FGF18: variants seen among roughly 807,000 people sequenced by gnomAD.
The protein encoded by FGF18 is fibroblast growth factor 18.
A neutral mutation model predicts 23.0 loss-of-function variants in FGF18; 5 were observed. The observed-to-expected ratio is 0.22, with a 90% CI of 0.11 to 0.46. The LOEUF (loss-of-function observed/expected upper bound fraction) is 0.46. FGF18 is among the 20% of genes least tolerant of loss of function. The pLI is 0.99. For synonymous variants in FGF18, 117 were observed against 118.9 expected, an observed-to-expected ratio of 0.98 and a Z score of 0.10; for missense variants, 180 against 291.6, an observed-to-expected ratio of 0.62 and a Z score of 2.79.
chr5:171,450,712 G>A (rs988839521), intron 4 of FGF18, among the ~76,000 whole-genome samples: 4 of 152,124 alleles, frequency 2.6e-5, no homozygotes, highest in African/African-American at 9.7e-5. Context: ...CGGCCGGCGA[G>A]GGGGGTCGGG....
At chr5:171,427,164 G>A (rs977862024) in intron 2 of FGF18, among the ~76,000 whole-genome samples, 4 of 150,250 alleles carry the variant, frequency 2.7e-5, no homozygotes, top group African/African-American at 7.4e-5. Flanking sequence ...CCAAGATCAC[G>A]CCACTGCACT....
chr5:171,452,038 T>C (rs1193231131), intron 4 of FGF18, among the ~76,000 whole-genome samples: 1 of 152,256 alleles, frequency 6.6e-6, no homozygotes, highest in Non-Finnish European at 1.5e-5. Context: ...TCTGTGTACC[T>C]GGCCAAAGGG....
Position 171,456,374 on chromosome 5 carries a change from T to C in FGF18, c.358-165T>C, listed in dbSNP as rs111547461. Reference sequence around the variant, plus strand: ...TTGGCTATAAACCCCCACCTGCCTGTGCCATATTCAGAGTTAAGCTCAATC... The same window carrying C: ...TTGGCTATAAACCCCCACCTGCCTGCGCCATATTCAGAGTTAAGCTCAATC... On this transcript the variant is annotated intron_variant, in intron 4 of 4. Transcript: ENST00000274625. This position sits in a 1 kb window ranked among gnomAD's most constrained non-coding sequence, Gnocchi z 6.1. Among the ~76,000 whole-genome samples, 141 of 152,284 alleles carry C rather than the reference T, an allele frequency of 9.3e-4. No homozygotes were observed. Among genetic ancestry groups the C allele is most frequent in the African/African-American group, 3.2e-3 (134 of 41,554 alleles).
At chr5:171,455,652 T>TG (rs1231184448) in intron 4 of FGF18, among the ~76,000 whole-genome samples, 1 of 152,222 alleles carries the variant, frequency 6.6e-6, no homozygotes, top group Non-Finnish European at 1.5e-5. Flanking sequence ...TCTCCCCTCA[T>TG]GGTGATAAAG....
intron 2 of FGF18, among the ~76,000 whole-genome samples, chr5:171,421,523 T>C (rs562700265): frequency 5.3e-5 from 8 of 152,282 alleles, no homozygotes; most frequent in African/African-American, 1.7e-4. Flanking sequence ...CCTTCTGGAT[T>C]GTGGAGATCC....
intron 3 of FGF18, among the ~76,000 whole-genome samples, chr5:171,438,588 C>A (rs1462583749): frequency 1.3e-5 from 2 of 152,068 alleles, no homozygotes; most frequent in Non-Finnish European, 2.9e-5. Flanking sequence ...CAGCACCACG[C>A]TTTCTAAGAT....
chr5:171,435,446 GT>G, intron 2 of FGF18, among the ~76,000 whole-genome samples: 1 of 152,220 alleles, frequency 6.6e-6, no homozygotes, highest in East Asian at 1.9e-4. Flanking sequence ...GGGAACTGAA[GT>G]TTTGGTGGCA....
chr5:171,456,432 G>T lies in FGF18; in HGVS notation c.358-107G>T. The T allele has an allele frequency of 8.9e-7, 1 of 1,118,880 alleles. No homozygotes were observed. Among genetic ancestry groups the T allele is most frequent in the Non-Finnish European group, 1.3e-6 (1 of 785,172 alleles). The allele number at this position is 1,118,880 out of a possible 1,614,324, so 69.3% of individuals were successfully genotyped here. On this transcript the variant is annotated intron_variant, in intron 4 of 4. Transcript: ENST00000274625. This position sits in a 1 kb window ranked among gnomAD's most constrained non-coding sequence, Gnocchi z 6.1. ...CCCACTGCAAAACTTCATTACAGTT[G>T]TCCCTACAACAATCGCAATGGTCCT... is the stretch of plus-strand genomic sequence containing the variant.
chr5:171,427,622 T>G (rs1772114555), intron 2 of FGF18, among the ~76,000 whole-genome samples: 1 of 152,208 alleles, frequency 6.6e-6, no homozygotes, highest in Non-Finnish European at 1.5e-5. Flanking sequence ...TGACTAGCTA[T>G]GTAGTAGGCA....
chr5:171,424,948 T>C (rs2113328988), intron 2 of FGF18, among the ~76,000 whole-genome samples: 1 of 152,258 alleles, frequency 6.6e-6, no homozygotes, highest in East Asian at 1.9e-4. Context: ...ATTTTTAGAA[T>C]TTCTTGTGGT....
intron 2 of FGF18, among the ~76,000 whole-genome samples, chr5:171,428,939 C>T (rs879866324): frequency 1.3e-5 from 2 of 152,194 alleles, no homozygotes; most frequent in Non-Finnish European, 2.9e-5. Flanking sequence ...TCGGGCCCAA[C>T]CCCCCATCCT....
rs138711691 is a variant in FGF18 at position 171,426,320 on chromosome 5, G to T, written c.69+5877G>T. Among the ~76,000 whole-genome samples the T allele has an allele frequency of 2.8e-3, 423 of 152,274 alleles. 1 individual carries two copies. The highest frequency in any genetic ancestry group is 9.7e-3 in the African/African-American group (402 of 41,536). On this transcript the variant is annotated intron_variant, in intron 2 of 4. Coordinates refer to ENST00000274625, the MANE Select transcript of FGF18 (RefSeq NM_003862.3). ...TCGTCACTGTGGGAGGGGAGGTGTT[G>T]ATTTCTCCTTTCTGTGGGTAAGGGC...
chr5:171,439,016 C>G (rs1468345706), intron 3 of FGF18, among the ~76,000 whole-genome samples: 1 of 152,118 alleles, frequency 6.6e-6, no homozygotes, highest in Non-Finnish European at 1.5e-5. Flanking sequence ...CATGCAGTCT[C>G]AGAGTCTCAG....
chr5:171,440,890 C>T lies in FGF18; in HGVS notation c.250+4617C>T, dbSNP rs1355506882. On this transcript the variant is annotated intron_variant, in intron 3 of 4. Transcript: ENST00000274625. The surrounding 1 kb of genome is among the most constrained non-coding windows in gnomAD (Gnocchi z 4.0). Reference sequence around the variant, plus strand: ...CTGCTGCGGTGGAACCATCTGTTGACGTGGCTGGTGCCCCTGCGAGAGTGT... The same window carrying T: ...CTGCTGCGGTGGAACCATCTGTTGATGTGGCTGGTGCCCCTGCGAGAGTGT... Among the ~76,000 whole-genome samples, 2 of 152,220 alleles carry T rather than the reference C, an allele frequency of 1.3e-5. No homozygotes were observed. Among genetic ancestry groups the T allele is most frequent in the South Asian group, 2.1e-4 (1 of 4,832 alleles).
chr5:171,435,565 G>A (rs779064513), intron 2 of FGF18, among the ~76,000 whole-genome samples: 1 of 152,146 alleles, frequency 6.6e-6, no homozygotes, highest in Non-Finnish European at 1.5e-5. Flanking sequence ...CCCAGCATCA[G>A]CTGCAGGGGG....
In FGF18 at chr5:171,436,360, T is replaced by G; in HGVS notation, c.250+87T>G. Reference sequence around the variant, plus strand: ...AGACCTCAAGTTCAAATGCCAGCCTTGCTGCTCCTGGCTGTGTGATCTTGG... The same window carrying G: ...AGACCTCAAGTTCAAATGCCAGCCTGGCTGCTCCTGGCTGTGTGATCTTGG... On this transcript the variant is annotated intron_variant, in intron 3 of 4. Coordinates refer to ENST00000274625, the MANE Select transcript of FGF18 (RefSeq NM_003862.3). This position sits in a 1 kb window ranked among gnomAD's most constrained non-coding sequence, Gnocchi z 4.4. The G allele has an allele frequency of 8.9e-7, 1 of 1,117,428 alleles. No individual in the cohort carries two copies. Among genetic ancestry groups the G allele is most frequent in the Non-Finnish European group, 1.2e-6 (1 of 829,778 alleles). The allele number at this position is 1,117,428 out of a possible 1,614,324, so 69.2% of individuals were successfully genotyped here. A position where few individuals can be genotyped will look rare whatever the true frequency, so the allele number is the denominator to read the frequency against.
At chr5:171,442,559 C>G (rs940183663) in intron 3 of FGF18, among the ~76,000 whole-genome samples, 3 of 152,224 alleles carry the variant, frequency 2.0e-5, no homozygotes, top group African/African-American at 2.4e-5. Flanking sequence ...TCCCTGGCTC[C>G]CAGCTCCCCT....
chr5:171,432,677 ACCTCGGCCTTCCAAAGTGCTGAGCCACTG>A (rs2113340363), intron 2 of FGF18, among the ~76,000 whole-genome samples: 1 of 152,280 alleles, frequency 6.6e-6, no homozygotes, highest in East Asian at 1.9e-4. Flanking sequence ...CGATCCGCCC[ACCTCGGCCTTCCAAAGTGCTGAGCCACTG>A]CGACCAGCCT....
chr5:171,440,952 G>GCCATGTCT lies in FGF18; in HGVS notation c.250+4687_250+4694dup, dbSNP rs1473971728. 6.6e-6 allele frequency among the ~76,000 whole-genome samples: 1 copy of GCCATGTCT among 152,168 alleles called. No homozygotes were observed. Among genetic ancestry groups the GCCATGTCT allele is most frequent in the Non-Finnish European group, 1.5e-5 (1 of 68,032 alleles). On this transcript the variant is annotated intron_variant, in intron 3 of 4. Transcript: ENST00000274625. The surrounding 1 kb of genome is among the most constrained non-coding windows in gnomAD (Gnocchi z 4.0). ...AGGGAGTGACTTTGTCTTGCTCTTT[G>GCCATGTCT]CCATGTCTCCATGTCCAGCACAAGG...
Sources: allele counts gnomAD v4.1 joint callset (sites outside exome capture counted in the v4.1 genomes callset), GRCh38; gene constraint gnomAD v4.1.1; non-coding constraint Gnocchi (gnomAD v3.1); transcripts MANE v1.5; gene names NCBI Gene and HGNC (gene_info 2026-07-23, HGNC 2026-07-21).